The following CSMD2 variants were observed in gnomAD, a reference collection of about 807,000 sequenced individuals.
CSMD2 encodes CUB and sushi domain-containing protein 2.
A neutral mutation model predicts 398.5 loss-of-function variants in CSMD2; 130 were observed. The ratio of observed to expected loss-of-function variants is 0.33; its 90% CI spans 0.28 to 0.38. The LOEUF is 0.38. CSMD2 is among the 10% of genes least tolerant of loss of function. The pLI, the probability that CSMD2 is intolerant of heterozygous loss-of-function variation, is 1.00. For missense variants in CSMD2, 3,829 were observed against 4,764.9 expected, an observed-to-expected ratio of 0.80 and a Z score of 5.78; for synonymous variants, 1,828 against 1,908.5, an observed-to-expected ratio of 0.96 and a Z score of 1.10.
chr1:33,920,173 A>C lies in CSMD2; in HGVS notation c.713-1872T>G, dbSNP rs541723872. Among the ~76,000 whole-genome samples the C allele has an allele frequency of 9.7e-4, 147 of 152,178 alleles. No individual in the cohort carries two copies. The Middle Eastern group carries it at 0.02, about 21-fold the overall frequency. ...TACCTGGGGGAAGAGCATTCACGGA[A>C]GATAGAGCAGCAAATGCAAAGGTCA... On this transcript the variant is annotated intron_variant, in intron 4 of 70. Coordinates refer to ENST00000373381, the MANE Select transcript of CSMD2 (RefSeq NM_001281956.2).
chr1:33,639,802 A>C (rs562301394), intron 29 of CSMD2, among the ~76,000 whole-genome samples: 6 of 152,250 alleles, frequency 3.9e-5, no homozygotes, highest in Non-Finnish European at 4.4e-5. Context: ...AATAATAATG[A>C]CATGGATAAT....
intron 5 of CSMD2, among the ~76,000 whole-genome samples, chr1:33,894,654 CT>C (rs370566167): frequency 3.3e-4 from 51 of 152,342 alleles, no homozygotes; most frequent in African/African-American, 1.2e-3. Flanking sequence ...TTATGTCCCT[CT>C]TATCTGCTAG....
chr1:34,109,503 TC>T (rs2148437500), intron 1 of CSMD2, among the ~76,000 whole-genome samples: 1 of 152,302 alleles, frequency 6.6e-6, no homozygotes, highest in Non-Finnish European at 1.5e-5. Flanking sequence ...GCCTACGTTG[TC>T]CCCCAGAGTT....
At chr1:33,648,539 A>T (rs1348250075) in intron 28 of CSMD2, among the ~76,000 whole-genome samples, 1 of 152,184 alleles carries the variant, frequency 6.6e-6, no homozygotes, top group African/African-American at 2.4e-5. Flanking sequence ...GTCAAAGCAA[A>T]AGTGGAGCAA....
chr1:33,794,809 T>C (rs768182568), intron 10 of CSMD2, among the ~76,000 whole-genome samples: 2 of 151,656 alleles, frequency 1.3e-5, no homozygotes, highest in African/African-American at 4.8e-5. Flanking sequence ...TGTGGACCTG[T>C]AGCAAGGTCT....
intron 47 of CSMD2, among the ~76,000 whole-genome samples, chr1:33,581,354 TAAAAAAAAAAAA>T (rs35599517): frequency 1.2e-5 from 1 of 84,218 alleles, no homozygotes; most frequent in South Asian, 4.1e-4. Flanking sequence ...CCATCTTTAC[TAAAAAAAAAAAA>T]AAAAAAAAAA....
At chr1:33,938,943 C>T (rs1422706117) in intron 3 of CSMD2, among the ~76,000 whole-genome samples, 2 of 151,980 alleles carry the variant, frequency 1.3e-5, no homozygotes, top group Non-Finnish European at 2.9e-5. Flanking sequence ...TGGCATTTCC[C>T]ATCATCCCAT....
At position 33,693,444 on chromosome 1, in the gene CSMD2, A is replaced by G. The variant is rs1196381241; in HGVS notation, c.3926-388T>C. Reference sequence around the variant, plus strand: ...GGATGTCTATAGTCAAAAAGACTATACAAGCGTAGGTGGGGAGTGGAGAAA... The same window carrying G: ...GGATGTCTATAGTCAAAAAGACTATGCAAGCGTAGGTGGGGAGTGGAGAAA... On this transcript the variant is annotated intron_variant, in intron 24 of 70. Coordinates refer to ENST00000373381, the MANE Select transcript of CSMD2 (RefSeq NM_001281956.2). 3.9e-5 allele frequency among the ~76,000 whole-genome samples: 6 copies of G among 152,344 alleles called. 1 individual carries two copies. The highest frequency in any genetic ancestry group is 3.9e-4 in the Admixed American group (6 of 15,300).
intron 10 of CSMD2, among the ~76,000 whole-genome samples, chr1:33,802,808 T>G (rs1655759745): frequency 6.6e-6 from 1 of 151,986 alleles, no homozygotes. Context: ...CCATCCCTCT[T>G]CTCCTGTACC....
intron 5 of CSMD2, among the ~76,000 whole-genome samples, chr1:33,916,428 C>T (rs746333456): frequency 2.0e-5 from 3 of 152,218 alleles, no homozygotes; most frequent in Non-Finnish European, 4.4e-5. Context: ...TCACACTGCG[C>T]AGATCATCAG....
At chr1:33,976,447 A>G (rs2147938473) in intron 3 of CSMD2, among the ~76,000 whole-genome samples, 1 of 152,194 alleles carries the variant, frequency 6.6e-6, no homozygotes, top group Non-Finnish European at 1.5e-5. Flanking sequence ...CCAACCCACC[A>G]TTGCAGCACT....
At position 34,098,202 on chromosome 1, in the gene CSMD2, G is replaced by A. The variant is rs1415044446; in HGVS notation, c.188-9009C>T. Among the ~76,000 whole-genome samples, 285 of 131,580 alleles carry A rather than the reference G, an allele frequency of 2.2e-3. 1 individual carries two copies. The highest frequency in any genetic ancestry group is 4.6e-3 in the South Asian group (17 of 3,668). The allele number at this position is 131,580 out of a possible 152,430, so 86.3% of individuals were successfully genotyped here. ...ACCGCATATTCTCACTCATAGGTGG[G>A]AATTGAACAATGAGATCACATGGAC... On this transcript the variant is annotated intron_variant, in intron 1 of 70. Transcript: ENST00000373381.
intron 1 of CSMD2, among the ~76,000 whole-genome samples, chr1:34,158,337 CCT>C (rs1640997483): frequency 6.6e-6 from 1 of 152,138 alleles, no homozygotes; most frequent in Non-Finnish European, 1.5e-5. Flanking sequence ...CCGATGTTCC[CCT>C]GTTGTTGGGG....
intron 5 of CSMD2, chr1:33,864,778 G>A (rs1042817075): frequency 6.4e-7 from 1 of 1,564,030 alleles, no homozygotes; most frequent in South Asian, 1.2e-5. Flanking sequence ...AAAACAAAAT[G>A]CCATTCAACC....
intron 10 of CSMD2, 133 bp from the exon 11 acceptor site, chr1:33,792,659 G>T (rs571205303): frequency 3.0e-6 from 2 of 658,336 alleles, no homozygotes; most frequent in East Asian, 2.7e-5. Flanking sequence ...TAAACAAACT[G>T]ACCATTTCTG....
At chr1:33,669,270 A>C (rs1457012599) in intron 25 of CSMD2, among the ~76,000 whole-genome samples, 1 of 152,240 alleles carries the variant, frequency 6.6e-6, no homozygotes, top group Non-Finnish European at 1.5e-5. Context: ...ACAGTTTTGA[A>C]GAAAGGAAAG....
chr1:33,730,846 C>T lies in CSMD2; in HGVS notation c.2369-4161G>A, dbSNP rs183997742. Reference sequence around the variant, plus strand: ...CATTGGAAATGAAATAAACCCATGACGAATTTTCTTTTAAAAACTGTTTCC... The same window carrying T: ...CATTGGAAATGAAATAAACCCATGATGAATTTTCTTTTAAAAACTGTTTCC... On this transcript the variant is annotated intron_variant, in intron 15 of 70. Coordinates refer to ENST00000373381, the MANE Select transcript of CSMD2 (RefSeq NM_001281956.2). 3.4e-3 allele frequency among the ~76,000 whole-genome samples: 524 copies of T among 152,222 alleles called. 4 individuals carry two copies. Among genetic ancestry groups the T allele is most frequent in the African/African-American group, 0.012 (496 of 41,552 alleles).
intron 28 of CSMD2, among the ~76,000 whole-genome samples, chr1:33,649,927 C>T (rs933181826): frequency 3.9e-5 from 6 of 152,184 alleles, no homozygotes; most frequent in Non-Finnish European, 7.3e-5. Flanking sequence ...GAGCCAGATG[C>T]GCACTGGCCT....
intron 3 of CSMD2, among the ~76,000 whole-genome samples, chr1:33,988,917 C>CTGG (rs1364537777): frequency 6.6e-6 from 1 of 150,794 alleles, no homozygotes. Context: ...AATCATACAA[C>CTGG]TGAGTGTATA....
Sources: allele counts gnomAD v4.1 joint callset (sites outside exome capture counted in the v4.1 genomes callset), GRCh38; gene constraint gnomAD v4.1.1; transcripts MANE v1.5; gene names NCBI Gene and HGNC (gene_info 2026-07-23, HGNC 2026-07-21).